The following RALGPS2 variants were observed in gnomAD, a reference collection of about 807,000 sequenced individuals.
RALGPS2 encodes the protein Ral GEF with PH domain and SH3 binding motif 2.
In RALGPS2, 43 loss-of-function variants were observed where a neutral mutation model predicts 86.8. The ratio of observed to expected loss-of-function variants is 0.50; its 90% confidence interval spans 0.39 to 0.64. The LOEUF (loss-of-function observed/expected upper bound fraction) is 0.64, where lower values mean the gene tolerates loss of function less well. Among genes scored for constraint, RALGPS2 ranks in the 30% least tolerant of loss-of-function variants. The probability of loss-of-function intolerance (pLI) is 0.00; values close to 1 mark genes in which losing one functional copy is unlikely to be tolerated. For missense variants in RALGPS2, 536 were observed against 694.6 expected (o/e 0.77, Z 2.57); for synonymous variants, 243 against 231.3 (o/e 1.05, Z -0.46).
At chr1:178,737,081 A>G (rs1305925615) in intron 1 of RALGPS2, among the ~76,000 whole-genome samples, 1 of 152,130 alleles carries the variant, frequency 6.6e-6, no homozygotes, top group Non-Finnish European at 1.5e-5. Context: ...AACTTACTGT[A>G]TTTCATTGAA....
intron 1 of RALGPS2, among the ~76,000 whole-genome samples, chr1:178,728,588 A>G (rs72705180): frequency 0.089 from 13,536 of 152,084 alleles, 652 homozygotes; most frequent in African/African-American, 0.13. Context: ...TTTTAAGTTA[A>G]TTTTCAATGA....
chr1:178,741,516 A>G (rs923378550), intron 1 of RALGPS2, among the ~76,000 whole-genome samples: 12 of 152,216 alleles, frequency 7.9e-5, no homozygotes, highest in African/African-American at 2.9e-4. Flanking sequence ...TTTGACAAAG[A>G]CATAGTATAC....
intron 4 of RALGPS2, among the ~76,000 whole-genome samples, chr1:178,791,683 C>T (rs1042198685): frequency 1.3e-5 from 2 of 152,112 alleles, no homozygotes; most frequent in African/African-American, 2.4e-5. Flanking sequence ...TAAGTAGGAC[C>T]TGGTAATTCT....
At chr1:178,833,311 A>C (rs536567711) in intron 7 of RALGPS2, 113 bp from the exon 8 acceptor site, 2 of 1,002,750 alleles carry the variant, frequency 2.0e-6, no homozygotes, top group Non-Finnish European at 2.6e-6. Context: ...ATTAAAGAAG[A>C]TATAACTTTG....
At position 178,776,590 on chromosome 1, in the gene RALGPS2, G is replaced by A; in HGVS notation, c.-83-92G>A. 6.3e-6 allele frequency: 3 copies of A among 475,388 alleles called. No individual in the cohort carries two copies. The South Asian group carries it at 1.1e-4, about 17-fold the overall frequency. The allele number at this position is 475,388 out of a possible 1,614,324, so 29.4% of individuals were successfully genotyped here. A position where few individuals can be genotyped will look rare whatever the true frequency, so the allele number is the denominator to read the frequency against. On this transcript the variant is annotated intron_variant, in intron 1 of 19. Transcript: ENST00000367635. The stretch of plus-strand genomic sequence containing the variant: ...ATAATAAATAGAGTTTAGTGAAGTT[G>A]AAATTTTTGTTTCTTGGCATGGTGG...
intron 8 of RALGPS2, among the ~76,000 whole-genome samples, chr1:178,856,198 GAGAGATAT>G (rs1229277167): frequency 2.1e-5 from 1 of 47,274 alleles, no homozygotes; most frequent in African/African-American, 6.2e-5. Flanking sequence ...TCCAGAGAGA[GAGAGATAT>G]ATATATATAT....
chr1:178,829,724 T>C (rs760161335), intron 7 of RALGPS2, among the ~76,000 whole-genome samples: 20 of 152,046 alleles, frequency 1.3e-4, no homozygotes, highest in Non-Finnish European at 2.8e-4. Flanking sequence ...GTGGATCTTT[T>C]TAAATTTTAT....
At chr1:178,885,286 G>A in intron 12 of RALGPS2, 75 bp downstream of exon 12, 1 of 1,381,116 alleles carries the variant, frequency 7.2e-7, no homozygotes. Flanking sequence ...TATTAGTTCA[G>A]TAGAAAATGG....
In RALGPS2 at chr1:178,746,495, C is replaced by A. The variant is rs1219792198; in HGVS notation, c.-84+21076C>A. On this transcript the variant is annotated intron_variant, in intron 1 of 19. Transcript: ENST00000367635. ...AACACTTAACATCCAGTTAAAGGTT[C>A]TGCAAGGTCTTAGCTGGTGGATGCT... Among the ~76,000 whole-genome samples the A allele has an allele frequency of 2.0e-5, 3 of 152,310 alleles. No individual in the cohort carries two copies. The East Asian group carries it at 5.8e-4, about 29-fold the overall frequency.
chr1:178,726,133 A>C (rs964368700), intron 1 of RALGPS2: 1 of 152,280 alleles, frequency 6.6e-6, no homozygotes, highest in Non-Finnish European at 1.5e-5. Context: ...TTCCGAACGT[A>C]TCTCATCAAA....
intron 19 of RALGPS2, among the ~76,000 whole-genome samples, chr1:178,912,028 T>C (rs180889090): frequency 6.4e-4 from 97 of 152,352 alleles, no homozygotes; most frequent in African/African-American, 2.2e-3. Flanking sequence ...GCAACCTTTG[T>C]TCTTTTTTGT....
rs1659125791 is a variant in RALGPS2 at position 178,879,209 on chromosome 1, T to C, written c.836+217T>C. On this transcript the variant is annotated intron_variant, in intron 10 of 19. Coordinates refer to ENST00000367635, the MANE Select transcript of RALGPS2 (RefSeq NM_152663.5). ...CATCTGTTCTTTTTAATATTTTATC[T>C]CTGTTTGTAGAGAGCTAACGTTTGA... 3 of 506,234 alleles carry C rather than the reference T, an allele frequency of 5.9e-6. No homozygotes were observed. The South Asian group carries it at 1.9e-4, about 33-fold the overall frequency. 31.4% of individuals were successfully genotyped at this position (506,234 alleles called of 1,614,324 possible). A position where few individuals can be genotyped will look rare whatever the true frequency, so the allele number is the denominator to read the frequency against.
chr1:178,805,129 G>GT (rs1316580381), intron 4 of RALGPS2, among the ~76,000 whole-genome samples: 158 of 151,276 alleles, frequency 1.0e-3, no homozygotes, highest in African/African-American at 3.5e-3. Context: ...GGGGTTGTTT[G>GT]TTTTTTTCTT....
chr1:178,853,850 T>C, intron 8 of RALGPS2: 1 of 1,346,046 alleles, frequency 7.4e-7, no homozygotes, highest in Non-Finnish European at 9.9e-7. Flanking sequence ...GTTAAAAGTT[T>C]TTAATCAAGA....
intron 4 of RALGPS2, among the ~76,000 whole-genome samples, chr1:178,790,590 C>T (rs891785174): frequency 2.0e-5 from 3 of 152,068 alleles, no homozygotes; most frequent in African/African-American, 4.8e-5. Context: ...TCTGTTGTTT[C>T]GGTCTTTTTA....
intron 2 of RALGPS2, among the ~76,000 whole-genome samples, chr1:178,777,841 T>C (rs2102108947): frequency 6.7e-6 from 1 of 148,810 alleles, no homozygotes; most frequent in Non-Finnish European, 1.5e-5. Flanking sequence ...GCTAGCCATA[T>C]GTAGAAAGCT....
intron 6 of RALGPS2, among the ~76,000 whole-genome samples, chr1:178,814,472 G>A (rs1257302146): frequency 2.0e-5 from 3 of 151,972 alleles, no homozygotes; most frequent in Non-Finnish European, 2.9e-5. Context: ...TTGTTGTTCT[G>A]TCACCCAGGC....
At chr1:178,784,266 A>G in intron 2 of RALGPS2, 152 bp from the exon 3 acceptor site, 1 of 435,580 alleles carries the variant, frequency 2.3e-6, no homozygotes, top group South Asian at 6.8e-5. Context: ...TTTATCTGGT[A>G]CTCTAACAAC....
chr1:178,832,493 TCTG>T (rs960940140), intron 7 of RALGPS2, among the ~76,000 whole-genome samples: 1 of 152,176 alleles, frequency 6.6e-6, no homozygotes, highest in African/African-American at 2.4e-5. Flanking sequence ...AGTATTATAT[TCTG>T]CTGCTTGCTA....
Sources: gnomAD v4.1 joint callset for allele counts (sites outside exome capture counted in the v4.1 genomes callset) on GRCh38, gnomAD v4.1.1 for gene constraint, MANE v1.5 for transcripts, NCBI Gene and HGNC (gene_info 2026-07-23, HGNC 2026-07-21) for gene names.